ONECUT1: variants seen among roughly 807,000 people sequenced by gnomAD.
ONECUT1 encodes the protein hepatocyte nuclear factor 6.
In ONECUT1, 12 loss-of-function variants were observed where a neutral mutation model predicts 25.6. That is an observed-to-expected ratio of 0.47 (90% CI 0.30 to 0.76). The LOEUF (loss-of-function observed/expected upper bound fraction) is 0.76. ONECUT1 is among the 30% of genes least tolerant of loss of function. ONECUT1 has a pLI of 0.07. For synonymous variants in ONECUT1, 285 were observed against 270.2 expected, an observed-to-expected ratio of 1.05 and a Z score of -0.54; for missense variants, 620 against 651.2, an observed-to-expected ratio of 0.95 and a Z score of 0.52.
At chr15:52,786,705 G>A (rs1213144700) in intron 1 of ONECUT1, among the ~76,000 whole-genome samples, 1 of 152,240 alleles carries the variant, frequency 6.6e-6, no homozygotes, top group African/African-American at 2.4e-5. Flanking sequence ...GAGGTCAGAG[G>A]GCGCTCCTGC....
Position 52,777,730 on chromosome 15 carries a change from ACAC to A in ONECUT1, c.1105+11047_1105+11049del, listed in dbSNP as rs1566992348. Among the ~76,000 whole-genome samples the A allele has an allele frequency of 2.0e-3, 261 of 128,076 alleles. 5 individuals are homozygous for A. Among genetic ancestry groups the A allele is most frequent in the South Asian group, 0.014 (58 of 4,098 alleles). 84.0% of individuals were successfully genotyped at this position (128,076 alleles called of 152,430 possible). On this transcript the variant is annotated intron_variant, in intron 1 of 1. Coordinates refer to ENST00000305901, the MANE Select transcript of ONECUT1 (RefSeq NM_004498.4). ...CACACACACACACACACACACACAC[ACAC>A]ACACAAAAAAACATGTAAAGTTATT...
chr15:52,771,028 TA>T (rs1172072762), intron 1 of ONECUT1, among the ~76,000 whole-genome samples: 1 of 152,214 alleles, frequency 6.6e-6, no homozygotes, highest in Non-Finnish European at 1.5e-5. Flanking sequence ...TTTATATCAA[TA>T]TTAAAATATA....
intron 1 of ONECUT1, among the ~76,000 whole-genome samples, chr15:52,768,029 G>A (rs1322623592): frequency 1.3e-5 from 2 of 152,192 alleles, no homozygotes; most frequent in Non-Finnish European, 2.9e-5. Context: ...GGTTACCAGA[G>A]GCTGGGAAGG....
Position 52,787,604 on chromosome 15 carries a change from C to T in ONECUT1, c.1105+1176G>A, listed in dbSNP as rs971385291. ...CTCTTCGCCAAGGCTCAGGCCTGGG[C>T]GCTGGGCTGAGATGGAGGTGGAGGT... is the stretch of plus-strand genomic sequence containing the variant. On this transcript the variant is annotated intron_variant, in intron 1 of 1. Transcript: ENST00000305901. Among the ~76,000 whole-genome samples the T allele has an allele frequency of 3.6e-5, 4 of 111,678 alleles. No homozygotes were observed. The South Asian group carries it at 1.3e-3, about 36-fold the overall frequency. The allele number at this position is 111,678 out of a possible 152,430, so 73.3% of individuals were successfully genotyped here.
chr15:52,781,194 G>A, intron 1 of ONECUT1: 1 of 152,790 alleles, frequency 6.5e-6, no homozygotes, highest in Non-Finnish European at 1.5e-5. Context: ...GAATGGACCA[G>A]CCCCACCCAC....
chr15:52,786,791 C>G (rs2083877909), intron 1 of ONECUT1, among the ~76,000 whole-genome samples: 1 of 112,154 alleles, frequency 8.9e-6, no homozygotes, highest in African/African-American at 3.5e-5. Context: ...CGACAGCAGG[C>G]AGTGGGGGGA....
chr15:52,787,574 CT>C (rs1354877169), intron 1 of ONECUT1, among the ~76,000 whole-genome samples: 1 of 144,486 alleles, frequency 6.9e-6, no homozygotes, highest in Non-Finnish European at 1.5e-5. Context: ...CGGCTTTTAC[CT>C]TTTCTCTTCG....
Position 52,779,377 on chromosome 15 carries a change from C to T in ONECUT1, c.1105+9403G>A, listed in dbSNP as rs763726573. 5.1e-4 allele frequency among the ~76,000 whole-genome samples: 78 copies of T among 152,154 alleles called. No homozygotes were observed. The Middle Eastern group carries it at 0.01, about 20-fold the overall frequency. On this transcript the variant is annotated intron_variant, in intron 1 of 1. Transcript: ENST00000305901. Reference sequence around the variant, plus strand: ...TGCTGGGACTACAGGCGTGAGCCACCGTGCCTGGCCGACCAGTTTATTTAA... The same window carrying T: ...TGCTGGGACTACAGGCGTGAGCCACTGTGCCTGGCCGACCAGTTTATTTAA...
intron 1 of ONECUT1, among the ~76,000 whole-genome samples, chr15:52,759,341 T>C (rs111607917): frequency 5.4e-4 from 82 of 152,310 alleles, no homozygotes; most frequent in African/African-American, 1.9e-3. Flanking sequence ...GGGTAGATCC[T>C]GGACTTCAGA....
At chr15:52,779,185 G>A (rs2083823506) in intron 1 of ONECUT1, among the ~76,000 whole-genome samples, 1 of 152,120 alleles carries the variant, frequency 6.6e-6, no homozygotes, top group African/African-American at 2.4e-5. Flanking sequence ...CCAGGTTCAA[G>A]TGATTCCCCT....
chr15:52,789,288 G>C lies in ONECUT1; in HGVS notation c.597C>G (p.His199Gln), dbSNP rs748749392. 22 of 1,555,718 alleles carry C rather than the reference G, an allele frequency of 1.4e-5. No individual in the cohort carries two copies. The highest frequency in any genetic ancestry group is 1.9e-5 in the Non-Finnish European group (22 of 1,149,654). ...GCATGGCGGCCCCCGGGTGGGCATAGTGGGGGAGCCCTTGCTGGGAGTTGT... is the reference window on the plus strand; with the variant it reads ...GCATGGCGGCCCCCGGGTGGGCATACTGGGGGAGCCCTTGCTGGGAGTTGT... ...SIHNSQQGLP[H>Q]YAHPGAAMPT... Residue 199 changes from histidine (H) to glutamine (Q), a missense_variant, in exon 1 of 2, where the codon CAC becomes CAG. Transcript: ENST00000305901. This position sits in a 1 kb window ranked among gnomAD's most constrained non-coding sequence, Gnocchi z 4.1.
chr15:52,782,588 G>A (rs1426628169), intron 1 of ONECUT1, among the ~76,000 whole-genome samples: 1 of 152,170 alleles, frequency 6.6e-6, no homozygotes, highest in Non-Finnish European at 1.5e-5. Flanking sequence ...GAGACACAAT[G>A]AGAGTATTAT....
At chr15:52,769,648 C>T (rs1245836578) in intron 1 of ONECUT1, among the ~76,000 whole-genome samples, 1 of 152,152 alleles carries the variant, frequency 6.6e-6, no homozygotes, top group Admixed American at 6.5e-5. Flanking sequence ...AAGGAGCAGA[C>T]TAGAGCAACA....
chr15:52,788,708 C>T lies in ONECUT1; in HGVS notation c.1105+72G>A, dbSNP rs1469904886. The T allele has an allele frequency of 2.7e-6, 4 of 1,507,160 alleles. No individual in the cohort carries two copies. Among genetic ancestry groups the T allele is most frequent in the Admixed American group, 1.8e-5 (1 of 56,040 alleles). 93.4% of individuals were successfully genotyped at this position (1,507,160 alleles called of 1,614,324 possible). ...GAAGCGCACCCAGCCCTCTCTCCTA[C>T]CCTTCCTCCTTTGGTCCCTTCGGCT... On this transcript the variant is annotated intron_variant, in intron 1 of 1. Coordinates refer to ENST00000305901, the MANE Select transcript of ONECUT1 (RefSeq NM_004498.4). The surrounding 1 kb of genome is among the most constrained non-coding windows in gnomAD (Gnocchi z 4.3).
At chr15:52,787,400 C>T (rs1333705205) in intron 1 of ONECUT1, among the ~76,000 whole-genome samples, 1 of 152,070 alleles carries the variant, frequency 6.6e-6, no homozygotes, top group Non-Finnish European at 1.5e-5. Flanking sequence ...CCACCCCCAG[C>T]TTCTCATTGG....
Position 52,789,704 on chromosome 15 carries a change from C to A in ONECUT1, c.181G>T (p.Gly61Cys), listed in dbSNP as rs773769842. 4.7e-6 allele frequency: 7 copies of A among 1,481,964 alleles called. No homozygotes were observed. Among genetic ancestry groups the A allele is most frequent in the South Asian group, 2.8e-5 (2 of 72,328 alleles). 91.8% of individuals were successfully genotyped at this position (1,481,964 alleles called of 1,614,324 possible). A position where few individuals can be genotyped will look rare whatever the true frequency, so the allele number is the denominator to read the frequency against. Residue 61 changes from glycine to cysteine, a missense_variant, in exon 1 of 2, where the codon GGC becomes TGC. This residue lies in a region of ONECUT1 where 440 missense variants were observed against 404.9 expected (regional missense o/e 1.09). Transcript: ENST00000305901. This position sits in a 1 kb window ranked among gnomAD's most constrained non-coding sequence, Gnocchi z 4.1. ...RSMGMASLLD[G>C]GSGGGDYHHH... ...TGGTAATCTCCGCCGCCGCTGCCGC[C>A]GTCCAGCAGGGACGCCATGCCCATG... is the stretch of plus-strand genomic sequence containing the variant.
chr15:52,788,543 C>G lies in ONECUT1; in HGVS notation c.1105+237G>C. The G allele has an allele frequency of 2.0e-6, 1 of 499,900 alleles. No individual in the cohort carries two copies. Among genetic ancestry groups the G allele is most frequent in the Non-Finnish European group, 3.5e-6 (1 of 282,508 alleles). 31.0% of individuals were successfully genotyped at this position (499,900 alleles called of 1,614,324 possible). A position where few individuals can be genotyped will look rare whatever the true frequency, so the allele number is the denominator to read the frequency against. On this transcript the variant is annotated intron_variant, in intron 1 of 1. Transcript: ENST00000305901. This position sits in a 1 kb window ranked among gnomAD's most constrained non-coding sequence, Gnocchi z 4.3. Reference sequence around the variant, plus strand: ...AGCGCAAATGAGCCTCTTCAGTCGCCGAGGCCCGGCCGCTTAGCTCTCGGA... The same window carrying G: ...AGCGCAAATGAGCCTCTTCAGTCGCGGAGGCCCGGCCGCTTAGCTCTCGGA...
intron 1 of ONECUT1, among the ~76,000 whole-genome samples, chr15:52,777,925 C>T (rs577658806): frequency 6.6e-5 from 10 of 152,188 alleles, no homozygotes; most frequent in Admixed American, 3.3e-4. Flanking sequence ...TTTATCCTCC[C>T]GTCCAAAAAT....
intron 1 of ONECUT1, among the ~76,000 whole-genome samples, chr15:52,772,564 C>T (rs949455486): frequency 6.6e-6 from 1 of 152,124 alleles, no homozygotes; most frequent in Non-Finnish European, 1.5e-5. Context: ...CCTCCTTCAT[C>T]TTGACTTGTC....
Sources: gnomAD v4.1 joint callset for allele counts (sites outside exome capture counted in the v4.1 genomes callset) on GRCh38, gnomAD v4.1.1 for gene constraint, gnomAD v4.1.1 regional missense constraint, Gnocchi (gnomAD v3.1) non-coding constraint, MANE v1.5 for transcripts, NCBI Gene and HGNC (gene_info 2026-07-23, HGNC 2026-07-21) for gene names.